Variants in USP32 observed in about 807,000 individuals in gnomAD.
USP32 encodes ubiquitin specific peptidase 32, also known as ubiquitin carboxyl-terminal hydrolase 32.
Under a neutral mutation model 204.8 loss-of-function variants are expected in USP32, and 59 were observed. That is an observed-to-expected ratio of 0.29 (90% CI 0.23 to 0.36). The LOEUF (loss-of-function observed/expected upper bound fraction) is 0.36. Among genes scored for constraint, USP32 ranks in the 10% least tolerant of loss-of-function variants. The pLI is 1.00. For missense variants in USP32, 1,160 were observed against 1,946.4 expected, an observed-to-expected ratio of 0.60 and a Z score of 7.60; for synonymous variants, 517 against 678.4, an observed-to-expected ratio of 0.76 and a Z score of 3.70.
chr17:60,382,481 T>C (rs917090116), intron 1 of USP32, among the ~76,000 whole-genome samples: 2 of 152,028 alleles, frequency 1.3e-5, no homozygotes, highest in Non-Finnish European at 2.9e-5. Context: ...GCATATACCA[T>C]TGTAATAAAA....
chr17:60,303,751 A>G (rs2087647683), intron 2 of USP32, among the ~76,000 whole-genome samples: 2 of 152,188 alleles, frequency 1.3e-5, no homozygotes, highest in Admixed American at 1.3e-4. Context: ...AACCCAATAT[A>G]TTGTCAGAGA....
intron 29 of USP32, among the ~76,000 whole-genome samples, chr17:60,188,272 C>T (rs1419991621): frequency 6.6e-6 from 1 of 152,088 alleles, no homozygotes; most frequent in Non-Finnish European, 1.5e-5. Flanking sequence ...GTGATTGCCT[C>T]TGTTTTTTTT....
intron 11 of USP32, among the ~76,000 whole-genome samples, chr17:60,236,494 A>C (rs1330219565): frequency 6.7e-6 from 1 of 148,768 alleles, no homozygotes; most frequent in Non-Finnish European, 1.5e-5. Context: ...AAAAAATTAG[A>C]AAAACAACTG....
chr17:60,222,675 TA>T (rs2085282208), intron 14 of USP32, 126 bp from the exon 15 acceptor site: 6 of 842,504 alleles, frequency 7.1e-6, no homozygotes, highest in Non-Finnish European at 8.9e-6. Context: ...TGGAAAAACT[TA>T]ATTTTTTTTT....
At chr17:60,375,939 A>T (rs1046910448) in intron 1 of USP32, among the ~76,000 whole-genome samples, 2 of 152,246 alleles carry the variant, frequency 1.3e-5, no homozygotes, top group African/African-American at 4.8e-5. Flanking sequence ...ATTTGGAAAG[A>T]CAGAAAAATT....
At chr17:60,336,629 T>C (rs1248129137) in intron 2 of USP32, among the ~76,000 whole-genome samples, 2 of 139,252 alleles carry the variant, frequency 1.4e-5, no homozygotes, top group South Asian at 4.4e-4. Context: ...GGCAGGAGAA[T>C]GGCGTGAACC....
intron 1 of USP32, among the ~76,000 whole-genome samples, chr17:60,406,402 C>T (rs1292484184): frequency 1.3e-5 from 2 of 151,928 alleles, no homozygotes; most frequent in Non-Finnish European, 2.9e-5. Flanking sequence ...TGGTCTCAAA[C>T]TCCTGGCCTC....
chr17:60,328,210 T>C (rs1483383216), intron 2 of USP32, among the ~76,000 whole-genome samples: 1 of 152,154 alleles, frequency 6.6e-6, no homozygotes, highest in Non-Finnish European at 1.5e-5. Context: ...TCCTCCCCTC[T>C]GAGGCCCATA....
chr17:60,200,155 T>C (rs1465961183), intron 26 of USP32, among the ~76,000 whole-genome samples: 1 of 149,044 alleles, frequency 6.7e-6, no homozygotes, highest in East Asian at 2.0e-4. Context: ...GATCGTGCCA[T>C]TGCACTCCAG....
chr17:60,323,398 A>G (rs988767654), intron 2 of USP32, among the ~76,000 whole-genome samples: 2 of 152,208 alleles, frequency 1.3e-5, no homozygotes, highest in Non-Finnish European at 2.9e-5. Flanking sequence ...ATATGAAATT[A>G]CTAGAATAGT....
At position 60,222,341 on chromosome 17, in the gene USP32, T is replaced by C. The variant is rs572534294; in HGVS notation, c.1749+68A>G. ...TACTTTGTGGTTAGTGAGAGTCACA[T>C]AGAAAAAGTAACAGAAGACCCCCAT... is the stretch of plus-strand genomic sequence containing the variant. On this transcript the variant is annotated intron_variant, in intron 15 of 33. Transcript: ENST00000300896. 3.7e-5 allele frequency: 57 copies of C among 1,547,554 alleles called. No homozygotes were observed. The South Asian group carries it at 4.9e-4, about 13-fold the overall frequency.
chr17:60,231,678 A>T, intron 12 of USP32: 1 of 461,726 alleles, frequency 2.2e-6, no homozygotes, highest in Middle Eastern at 3.5e-4. Flanking sequence ...TTCTAGCTCT[A>T]AAGTTACGTG....
At chr17:60,247,137 C>G (rs1381610415) in intron 11 of USP32, among the ~76,000 whole-genome samples, 1 of 152,044 alleles carries the variant, frequency 6.6e-6, no homozygotes, top group Non-Finnish European at 1.5e-5. Context: ...TCCCCAATTT[C>G]GTCTAGTAGT....
At chr17:60,279,561 G>A (rs1025247159) in intron 5 of USP32, among the ~76,000 whole-genome samples, 1 of 151,800 alleles carries the variant, frequency 6.6e-6, no homozygotes, top group African/African-American at 2.4e-5. Context: ...AAATAGCCAG[G>A]CATGCTGGCT....
At chr17:60,353,611 C>T (rs948374095) in intron 1 of USP32, among the ~76,000 whole-genome samples, 1 of 152,028 alleles carries the variant, frequency 6.6e-6, no homozygotes. Context: ...GATGGTGGTG[C>T]ACACCTGTAA....
chr17:60,366,977 C>T (rs759377224), intron 1 of USP32, among the ~76,000 whole-genome samples: 15 of 152,070 alleles, frequency 9.9e-5, no homozygotes, highest in Non-Finnish European at 1.6e-4. Flanking sequence ...GAGCCCGCCA[C>T]CACACCCAGC....
upstream of USP32, among the ~76,000 whole-genome samples, chr17:60,394,932 T>TG (rs1010494758): frequency 1.3e-5 from 2 of 151,966 alleles, no homozygotes; most frequent in African/African-American, 4.8e-5. Flanking sequence ...TTAGTAGAGA[T>TG]GGGGTTTCAC....
At position 60,214,794 on chromosome 17, in the gene USP32, A is replaced by C; in HGVS notation, c.1868-20T>G. 1 of 1,613,976 alleles carries C rather than the reference A, an allele frequency of 6.2e-7. No homozygotes were observed. ...CATTTCCTATGGTTACAGTAATCAC[A>C]GTAAGAAAAAAGGCAGATGTGAAAA... On this transcript the variant is annotated intron_variant, in intron 16 of 33. Transcript: ENST00000300896.
intron 12 of USP32, among the ~76,000 whole-genome samples, chr17:60,229,920 T>G (rs145954033): frequency 2.6e-5 from 4 of 152,110 alleles, no homozygotes; most frequent in South Asian, 2.1e-4. Context: ...TTCAAGCAAT[T>G]CTCCTGCCTC....
Sources: allele counts gnomAD v4.1 joint callset (sites outside exome capture counted in the v4.1 genomes callset), GRCh38; gene constraint gnomAD v4.1.1; transcripts MANE v1.5; gene names NCBI Gene and HGNC (gene_info 2026-07-23, HGNC 2026-07-21).